Variants in NEB observed in about 807,000 individuals in gnomAD.
NEB encodes the protein nebulin, also known as nemaline myopathy type 2.
Under a neutral mutation model 952.2 loss-of-function variants are expected in NEB, and 512 were observed. The observed-to-expected ratio is 0.54, with a 90% CI of 0.50 to 0.58. NEB has a LOEUF of 0.58. Ranked by LOEUF, NEB falls within the 20% of genes least tolerant of loss-of-function variation. NEB has a pLI of 0.00. For missense variants in NEB, 8,428 were observed against 9,231.1 expected (o/e 0.91, Z 3.56); for synonymous variants, 2,900 against 3,149.8 (o/e 0.92, Z 2.66).
At chr2:151,615,182 C>T (rs545715315) in intron 76 of NEB, among the ~76,000 whole-genome samples, 21 of 152,182 alleles carry the variant, frequency 1.4e-4, no homozygotes, top group Non-Finnish European at 2.4e-4. Flanking sequence ...GTGGGCTTCT[C>T]CAGCTTAACA....
chr2:151,663,258 A>C (rs986684836), intron 45 of NEB, among the ~76,000 whole-genome samples: 35 of 152,182 alleles, frequency 2.3e-4, no homozygotes, highest in African/African-American at 8.2e-4. Flanking sequence ...CATCTTTGCT[A>C]GACATATTCC....
chr2:151,723,458 T>C lies in NEB; in HGVS notation c.641A>G (p.Asp214Gly), dbSNP rs1460446866. 1 of 1,609,184 alleles carries C rather than the reference T, an allele frequency of 6.2e-7. No homozygotes were observed. Among genetic ancestry groups the C allele is most frequent in the Admixed American group, 1.7e-5 (1 of 59,416 alleles). The change falls in exon 9 of 182, where the codon GAC (aspartate) becomes GGC (glycine). Residue 214 changes from aspartate (D) to glycine (G), a missense_variant. Physicochemically the swap from Asp to Gly is moderately conservative, Grantham distance 94. This residue lies in a region of NEB where 2,851 missense variants were observed against 2,791.5 expected (regional missense o/e 1.02). Transcript: ENST00000397345. Reference protein sequence around the residue: ...KKLYTEDWEADKSLFYPYNDS... With the variant: ...KKLYTEDWEAGKSLFYPYNDS... ...ATTATAGGGGTAAAACAAACTTTTGTCTGCTTCCCAGTCTTCAGTGTACAG... is the reference window on the plus strand; with the variant it reads ...ATTATAGGGGTAAAACAAACTTTTGCCTGCTTCCCAGTCTTCAGTGTACAG...
At chr2:151,665,667 C>G (rs2099206970) in intron 41 of NEB, 128 bp from the exon 42 acceptor site, 2 of 721,380 alleles carry the variant, frequency 2.8e-6, no homozygotes, top group Non-Finnish European at 4.3e-6. Flanking sequence ...GCTTTTTACT[C>G]CCTACAGTCT....
At chr2:151,601,459 T>C (rs1336043365) in intron 88 of NEB, among the ~76,000 whole-genome samples, 2 of 107,796 alleles carry the variant, frequency 1.9e-5, no homozygotes, top group Non-Finnish European at 3.7e-5. Flanking sequence ...TTTAAAAATG[T>C]GTAACCCTAT....
chr2:151,539,590 C>T (rs553939421), intron 138 of NEB, among the ~76,000 whole-genome samples: 2 of 152,160 alleles, frequency 1.3e-5, no homozygotes, highest in African/African-American at 2.4e-5. Context: ...GGGTGTGGCT[C>T]TGGTAATGGG....
intron 121 of NEB, 59 bp from the exon 122 acceptor site, chr2:151,561,371 A>C: frequency 8.2e-7 from 1 of 1,222,616 alleles, no homozygotes; most frequent in Non-Finnish European, 1.2e-6. Flanking sequence ...CATCAGCTGT[A>C]GCTGCTTGTG....
At chr2:151,553,068 CT>C (rs2095430422) in intron 127 of NEB, among the ~76,000 whole-genome samples, 1 of 152,166 alleles carries the variant, frequency 6.6e-6, no homozygotes, top group South Asian at 2.1e-4. Context: ...ACAAATAGAG[CT>C]TGTCTATAGC....
chr2:151,631,075 CCATTAGT>C, intron 66 of NEB, 61 bp downstream of exon 66: 4 of 1,581,076 alleles, frequency 2.5e-6, no homozygotes, highest in Non-Finnish European at 3.5e-6. Context: ...AATTTAGACT[CCATTAGT>C]CATTAAAGTA....
rs537033983 is a variant in NEB, at chr2:151,493,480, A to C, written c.24673-35T>G. Reference sequence around the variant, plus strand: ...CCAAAAGAGCATCTAGGCATCAGACAGCAGAAAACCAGGTCTGAAAATCAT... The same window carrying C: ...CCAAAAGAGCATCTAGGCATCAGACCGCAGAAAACCAGGTCTGAAAATCAT... On this transcript the variant is annotated intron_variant, in intron 175 of 181. Coordinates refer to ENST00000397345, the MANE Select transcript of NEB (RefSeq NM_001164508.2). 5 of 1,410,626 alleles carry C rather than the reference A, an allele frequency of 3.5e-6. No individual in the cohort carries two copies. In the Admixed American group the frequency reaches 8.5e-5, roughly 24 times the overall value. The allele number at this position is 1,410,626 out of a possible 1,614,324, so 87.4% of individuals were successfully genotyped here.
intron 9 of NEB, among the ~76,000 whole-genome samples, chr2:151,721,342 G>A (rs550100261): frequency 6.6e-6 from 1 of 152,220 alleles, no homozygotes; most frequent in South Asian, 2.1e-4. Flanking sequence ...TGCCTTTCAA[G>A]GTCCTGCTGC....
intron 153 of NEB, among the ~76,000 whole-genome samples, chr2:151,521,813 CA>C (rs1286676378): frequency 1.3e-5 from 2 of 152,154 alleles, no homozygotes; most frequent in African/African-American, 4.8e-5. Context: ...TAAACAAATG[CA>C]GCTTTTTACA....
rs1258154115 is a variant in NEB, at chr2:151,518,969, C to T, written c.22691G>A (p.Ser7564Asn). Residue 7564 changes from serine to asparagine, a missense_variant, in exon 155 of 182, where the codon AGT becomes AAT. Physicochemically the swap from Ser to Asn is conservative, Grantham distance 46. Coordinates refer to ENST00000397345, the MANE Select transcript of NEB (RefSeq NM_001164508.2). ...GGAGCAAATGACTGAGCTTACAGAA[C>T]TGGCAAGTTGGCTTGTATTCAGGAC... The part of the protein sequence containing the change: ...NHVLNTSQLA[S>N]SYQYKKKYEK... 2.5e-6 allele frequency: 4 copies of T among 1,608,190 alleles called. No individual in the cohort carries two copies. In the African/African-American group the frequency reaches 5.3e-5, roughly 22 times the overall value.
At chr2:151,638,409 T>C (rs193161727) in intron 63 of NEB, among the ~76,000 whole-genome samples, 21 of 152,276 alleles carry the variant, frequency 1.4e-4, no homozygotes, top group Non-Finnish European at 2.5e-4. Flanking sequence ...CTTGGGATAT[T>C]GGATTTGAAG....
intron 24 of NEB, among the ~76,000 whole-genome samples, chr2:151,688,955 C>T (rs1265040331): frequency 6.6e-6 from 1 of 152,088 alleles, no homozygotes; most frequent in Non-Finnish European, 1.5e-5. Context: ...ATTTTCAGGC[C>T]ATGGTTGACT....
At chr2:151,520,384 C>T (rs539335816) in intron 153 of NEB, among the ~76,000 whole-genome samples, 2 of 152,012 alleles carry the variant, frequency 1.3e-5, no homozygotes, top group East Asian at 3.9e-4. Context: ...TGAGATACTT[C>T]AGAATAATGA....
rs753576597 is a variant in NEB at position 151,494,272 on chromosome 2, T to TCCAAAAAG, written c.24487-27_24487-20dup. 6 of 1,516,572 alleles carry TCCAAAAAG rather than the reference T, an allele frequency of 4.0e-6. No individual in the cohort carries two copies. In the African/African-American group the frequency reaches 8.3e-5, roughly 21 times the overall value. The allele number at this position is 1,516,572 out of a possible 1,614,324, so 93.9% of individuals were successfully genotyped here. A position where few individuals can be genotyped will look rare whatever the true frequency, so the allele number is the denominator to read the frequency against. ...ACAAAACCTATGGGAATCCAATGGG[T>TCCAAAAAG]CCAAAAAGCCAAAAAGAAAAAGAGT... On this transcript the variant is annotated intron_variant, in intron 173 of 181. Coordinates refer to ENST00000397345, the MANE Select transcript of NEB (RefSeq NM_001164508.2).
chr2:151,706,843 G>T, intron 13 of NEB, 38 bp downstream of exon 13: 1 of 1,434,778 alleles, frequency 7.0e-7, no homozygotes, highest in Non-Finnish European at 9.6e-7. Context: ...CTCTTTTGCA[G>T]CTAAGGTTTA....
intron 28 of NEB, 87 bp from the exon 29 acceptor site, chr2:151,682,856 T>C: frequency 1.7e-6 from 2 of 1,188,586 alleles, no homozygotes; most frequent in Non-Finnish European, 1.2e-6. Flanking sequence ...AACAATGTTT[T>C]TGAGATTTCT....
chr2:151,527,074 A>G (rs946657461), intron 147 of NEB, 52 bp from the exon 148 acceptor site: 48 of 1,248,230 alleles, frequency 3.8e-5, no homozygotes, highest in Non-Finnish European at 4.6e-6. Flanking sequence ...CACAGGAGGA[A>G]GCTGGGCATT....
Sources: allele counts gnomAD v4.1 joint callset (sites outside exome capture counted in the v4.1 genomes callset), GRCh38; gene constraint gnomAD v4.1.1; regional missense constraint gnomAD v4.1.1; transcripts MANE v1.5; gene names NCBI Gene and HGNC (gene_info 2026-07-23, HGNC 2026-07-21).